The following MAP7D1 variants were observed in gnomAD, a reference collection of about 807,000 sequenced individuals.
MAP7D1 encodes MAP7 domain-containing protein 1.
In MAP7D1, 30 loss-of-function variants were observed where a neutral mutation model predicts 97.5. That is an observed-to-expected ratio of 0.31 (90% CI 0.23 to 0.42). The LOEUF (loss-of-function observed/expected upper bound fraction) is 0.42, where lower values mean the gene tolerates loss of function less well. Ranked by LOEUF, MAP7D1 falls within the 10% of genes least tolerant of loss-of-function variation. The pLI is 1.00. For missense variants in MAP7D1, 1,184 were observed against 1,179.5 expected (o/e 1.00, Z -0.06); for synonymous variants, 536 against 477.1 (o/e 1.12, Z -1.61).
intron 1 of MAP7D1, among the ~76,000 whole-genome samples, chr1:36,165,729 C>CT (rs34713399): frequency 0.59 from 69,375 of 118,216 alleles, 21,236 homozygotes; most frequent in African/African-American, 0.66. Flanking sequence ...CAGTTTGTAG[C>CT]TTTTTTTTTT....
rs771124966 is a variant in MAP7D1 at position 36,172,636 on chromosome 1, TG to T, written c.624+12del. ...AGCTCGAGAAAAACAAGGTGCGGGA[TG>T]GGTCTCCGTGAATCCATGTACACGT... On this transcript the variant is annotated intron_variant, in intron 4 of 16. Transcript: ENST00000474796. The T allele has an allele frequency of 1.3e-6, 2 of 1,557,646 alleles. No homozygotes were observed. Among genetic ancestry groups the T allele is most frequent in the South Asian group, 2.3e-5 (2 of 86,754 alleles).
chr1:36,178,099 GAGA>G lies in MAP7D1; in HGVS notation c.1609_1611del (p.Lys537del), dbSNP rs3045695. The stretch of plus-strand genomic sequence containing the variant: ...CCAGAGCAAGCGCAGGGCCAGTAAC[GAGA>G]AGGAGTCAGCAGCCCCAGCCTCACC... On this transcript the variant is annotated inframe_deletion, in exon 9 of 17. Transcript: ENST00000474796. 0.048 allele frequency: 77,018 copies of G among 1,601,864 alleles called. 2,641 individuals are homozygous for G. Among genetic ancestry groups the G allele is most frequent in the East Asian group, 0.17 (7,417 of 44,276 alleles).
intron 1 of MAP7D1, among the ~76,000 whole-genome samples, chr1:36,167,456 C>T (rs914290594): frequency 3.3e-5 from 5 of 152,140 alleles, no homozygotes; most frequent in Non-Finnish European, 5.9e-5. Context: ...TGTTGCAGAG[C>T]AGTGGGGGTA....
In MAP7D1 at chr1:36,179,898, G is replaced by A. The variant is rs151320713; in HGVS notation, c.2343G>A (p.Ala781=). ...QWSLPSKELP[A]SLVNGLQPLP... is the part of the protein sequence containing the mutation. ...GTCTCCCAAGCAAGGAGTTGCCAGC[G>A]TCCCTGGTGAATGGCCTGCAGCCTC... is the stretch of plus-strand genomic sequence containing the variant. Residue 781 remains alanine, a synonymous_variant, in exon 16 of 17, where the codon GCG becomes GCA. Transcript: ENST00000474796. 5.1e-4 allele frequency: 831 copies of A among 1,613,716 alleles called. 1 individual carries two copies. The highest frequency in any genetic ancestry group is 4.6e-3 in the East Asian group (205 of 44,868).
Position 36,179,416 on chromosome 1 carries a change from G to T in MAP7D1, c.2185-99G>T, listed in dbSNP as rs1004784759. On this transcript the variant is annotated intron_variant, in intron 13 of 16. Transcript: ENST00000474796. The stretch of plus-strand genomic sequence containing the variant: ...GGCCACGGAGAGCGAGGCTGTCAGG[G>T]AGGCCGCTGCGGCCCGGGCAAGGGG... The T allele has an allele frequency of 2.2e-5, 34 of 1,577,902 alleles. No individual in the cohort carries two copies. The Admixed American group carries it at 5.9e-4, about 27-fold the overall frequency.
rs931212103 is a variant in MAP7D1 at position 36,173,368 on chromosome 1, G to A, written c.629G>A (p.Arg210His). The change falls in exon 5 of 17, where the codon CGC becomes CAC. Residue 210 changes from arginine (R) to histidine (H), a missense_variant. Coordinates refer to ENST00000474796, the MANE Select transcript of MAP7D1 (RefSeq NM_001388490.1). ...CTTCTCCCCACCTTCCCCCAGGAGC[G>A]CTATGAAGCAGCCATCCAACGGTCA... is the stretch of plus-strand genomic sequence containing the variant. ...QRQKLEKNKERYEAAIQRSVK... is the reference protein window; with the variant it reads ...QRQKLEKNKEHYEAAIQRSVK... The A allele has an allele frequency of 1.8e-5, 29 of 1,612,806 alleles. No individual in the cohort carries two copies. The highest frequency in any genetic ancestry group is 1.7e-4 in the Middle Eastern group (1 of 6,060).
Position 36,179,925 on chromosome 1 carries a change from C to A in MAP7D1, c.2370C>A (p.Leu790=). Residue 790 remains leucine, a synonymous_variant, in exon 16 of 17, where the codon CTC becomes CTA. Coordinates refer to ENST00000474796, the MANE Select transcript of MAP7D1 (RefSeq NM_001388490.1). ...PASLVNGLQP[L]PAHQENGFST... ...CCCTGGTGAATGGCCTGCAGCCTCT[C>A]CCAGCACACCAGGAGAATGGCTTCT... is the stretch of plus-strand genomic sequence containing the variant. 2 of 1,614,120 alleles carry A rather than the reference C, an allele frequency of 1.2e-6. No individual in the cohort carries two copies.
Position 36,179,266 on chromosome 1 carries a change from TGGA to T in MAP7D1, c.2140_2142del (p.Glu714del). 6.2e-7 allele frequency: 1 copy of T among 1,614,006 alleles called. No individual in the cohort carries two copies. Among genetic ancestry groups the T allele is most frequent in the Middle Eastern group, 1.7e-4 (1 of 6,058 alleles). On this transcript the variant is annotated inframe_deletion, in exon 13 of 17. Transcript: ENST00000474796. ...TGATCTGCGGCCTCCAAACAGCGTC[TGGA>T]GGAGATCATGAAGAGGACTCGGAAG...
intron 1 of MAP7D1, among the ~76,000 whole-genome samples, chr1:36,162,414 A>G (rs1644424802): frequency 6.6e-6 from 1 of 152,220 alleles, no homozygotes; most frequent in Non-Finnish European, 1.5e-5. Context: ...TTCAGAGAAC[A>G]CGCAGGAGCT....
chr1:36,171,643 A>C, intron 3 of MAP7D1, 62 bp downstream of exon 3: 2 of 1,565,724 alleles, frequency 1.3e-6, no homozygotes, highest in Non-Finnish European at 1.8e-6. Context: ...TATTAATAAC[A>C]CCAACAGGCT....
chr1:36,167,129 G>T (rs1271745915), intron 1 of MAP7D1, among the ~76,000 whole-genome samples: 1 of 152,246 alleles, frequency 6.6e-6, no homozygotes, highest in South Asian at 2.1e-4. Flanking sequence ...TGTGAGTCTG[G>T]ATGAGGTCAC....
intron 1 of MAP7D1, 111 bp downstream of exon 1, chr1:36,156,574 G>T: frequency 1.2e-6 from 1 of 850,082 alleles, no homozygotes; most frequent in South Asian, 2.8e-5. Context: ...CGCGCCCTCT[G>T]ACCACTTGGA....
In MAP7D1 at chr1:36,179,694, C is replaced by T. The variant is rs1438839453; in HGVS notation, c.2256C>T (p.Ser752=). 1 of 1,520,352 alleles carries T rather than the reference C, an allele frequency of 6.6e-7. No homozygotes were observed. Among genetic ancestry groups the T allele is most frequent in the Admixed American group, 2.2e-5 (1 of 45,650 alleles). 94.2% of individuals were successfully genotyped at this position (1,520,352 alleles called of 1,614,324 possible). The change falls in exon 15 of 17, where the codon TCC becomes TCT. Residue 752 remains serine, a synonymous_variant. Transcript: ENST00000474796. The part of the protein sequence containing the change: ...PEPVKAVEAR[S]PGLQKEAVQK... ...CTGTGAAAGCTGTGGAGGCTCGGTC[C>T]CCAGGGCTGCAGAAGGAGGCTGTGC...
Position 36,156,378 on chromosome 1 carries a change from C to T in MAP7D1, c.-40C>T, listed in dbSNP as rs1305530487. ...TCCTGGCCACTGGCCGCCGCCGCCG[C>T]CGCCGCTGAGACCCCGAGACCCCCA... On this transcript the variant is annotated 5_prime_UTR_variant, in exon 1 of 17. Transcript: ENST00000474796. The T allele has an allele frequency of 1.4e-5, 21 of 1,480,216 alleles. No homozygotes were observed. Among genetic ancestry groups the T allele is most frequent in the Non-Finnish European group, 1.9e-5 (21 of 1,121,980 alleles). The allele number at this position is 1,480,216 out of a possible 1,614,324, so 91.7% of individuals were successfully genotyped here.
Position 36,176,685 on chromosome 1 carries a change from C to T in MAP7D1, c.1234-12C>T, listed in dbSNP as rs1288742273. 2.4e-5 allele frequency: 39 copies of T among 1,606,082 alleles called. No homozygotes were observed. In the East Asian group the frequency reaches 8.3e-4, roughly 34 times the overall value. ...CCTCTACTCTCCTCTTCCGTTCCTCCTTCCCTGCCAGGTGCAGAAAAAGGA... is the reference window on the plus strand; with the variant it reads ...CCTCTACTCTCCTCTTCCGTTCCTCTTTCCCTGCCAGGTGCAGAAAAAGGA... On this transcript the variant is annotated splice_polypyrimidine_tract_variant and intron_variant, in intron 7 of 16. Transcript: ENST00000474796. This position sits in a 1 kb window ranked among gnomAD's most constrained non-coding sequence, Gnocchi z 6.1.
chr1:36,163,982 G>A (rs1188562028), intron 1 of MAP7D1, among the ~76,000 whole-genome samples: 3 of 151,732 alleles, frequency 2.0e-5, no homozygotes, highest in Non-Finnish European at 4.4e-5. Flanking sequence ...GCACAACCAC[G>A]CCCAGCTAAT....
At chr1:36,179,105 A>T (rs1220076258) in intron 12 of MAP7D1, 80 bp downstream of exon 12, 4 of 1,512,712 alleles carry the variant, frequency 2.6e-6, no homozygotes, top group Non-Finnish European at 3.6e-6. Flanking sequence ...CTTAGAGCGG[A>T]CAGGACGGGA....
rs1322766264 is a variant in MAP7D1, at chr1:36,178,978, GA to G, written c.2087del (p.Lys696SerfsTer21). ...GGCGGAGCGGCAGCGTCTGGAGCGG[GA>G]AAAGCACTTCCAGCAGCAGGAGCAA... ...EEAERQRLER[E>X]KHFQQQEQER... On this transcript the variant is annotated frameshift_variant, in exon 12 of 17. Coordinates refer to ENST00000474796, the MANE Select transcript of MAP7D1 (RefSeq NM_001388490.1). LOFTEE classifies it high-confidence loss of function. 2.0e-6 allele frequency: 3 copies of G among 1,535,978 alleles called. No individual in the cohort carries two copies. The highest frequency in any genetic ancestry group is 2.6e-6 in the Non-Finnish European group (3 of 1,138,492).
rs773175007 is a variant in MAP7D1 at position 36,176,718 on chromosome 1, G to A, written c.1255G>A (p.Asp419Asn). 1.3e-5 allele frequency: 21 copies of A among 1,603,614 alleles called. No homozygotes were observed. Among genetic ancestry groups the A allele is most frequent in the Non-Finnish European group, 1.8e-5 (21 of 1,175,802 alleles). Residue 419 changes from aspartate to asparagine, a missense_variant, in exon 8 of 17, where the codon GAC becomes AAC. Transcript: ENST00000474796. The surrounding 1 kb of genome is among the most constrained non-coding windows in gnomAD (Gnocchi z 6.1). Reference sequence around the variant, plus strand: ...CCAGGTGCAGAAAAAGGAGAAGAAGGACAAGGAGCGGGAAAACGAGAAGGA... The same window carrying A: ...CCAGGTGCAGAAAAAGGAGAAGAAGAACAAGGAGCGGGAAAACGAGAAGGA... Reference protein sequence around the residue: ...ASPVQKKEKKDKERENEKEKS... With the variant: ...ASPVQKKEKKNKERENEKEKS...
Sources: gnomAD v4.1 joint callset for allele counts (sites outside exome capture counted in the v4.1 genomes callset) on GRCh38, gnomAD v4.1.1 for gene constraint, Gnocchi (gnomAD v3.1) non-coding constraint, MANE v1.5 for transcripts, NCBI Gene and HGNC (gene_info 2026-07-23, HGNC 2026-07-21) for gene names.